TBC1D22A: variants seen among roughly 807,000 people sequenced by gnomAD.
The protein encoded by TBC1D22A is putative GTPase activator.
A neutral mutation model predicts 60.2 loss-of-function variants in TBC1D22A; 38 were observed. That is an observed-to-expected ratio of 0.63 (90% CI 0.49 to 0.83). TBC1D22A has a LOEUF of 0.83. TBC1D22A is among the 40% of genes least tolerant of loss of function. The pLI is 0.00. For missense variants in TBC1D22A, 628 were observed against 701.0 expected, an observed-to-expected ratio of 0.90 and a Z score of 1.18; for synonymous variants, 302 against 281.7, an observed-to-expected ratio of 1.07 and a Z score of -0.72.
At position 46,810,639 on chromosome 22, in the gene TBC1D22A, C is replaced by T. The variant is rs150467567; in HGVS notation, c.637+13019C>T. On this transcript the variant is annotated intron_variant, in intron 4 of 12. Coordinates refer to ENST00000337137, the MANE Select transcript of TBC1D22A (RefSeq NM_014346.5). Reference sequence around the variant, plus strand: ...AACTGTTTTGTGGTGGACAGTTCAGCGGCTTTTGGTACATTCACACTGCTG... The same window carrying T: ...AACTGTTTTGTGGTGGACAGTTCAGTGGCTTTTGGTACATTCACACTGCTG... Among the ~76,000 whole-genome samples the T allele has an allele frequency of 8.3e-4, 127 of 152,290 alleles. 5 individuals carry two copies. The East Asian group carries it at 0.02, about 24-fold the overall frequency.
chr22:46,804,321 A>G (rs565752532), intron 4 of TBC1D22A, among the ~76,000 whole-genome samples: 2 of 152,378 alleles, frequency 1.3e-5, no homozygotes, highest in East Asian at 3.9e-4. Flanking sequence ...CGGAAATGTT[A>G]TTGAAAGTTA....
intron 12 of TBC1D22A, among the ~76,000 whole-genome samples, chr22:47,158,229 A>G (rs1439340756): frequency 6.6e-6 from 1 of 152,208 alleles, no homozygotes; most frequent in Non-Finnish European, 1.5e-5. Flanking sequence ...TGCAGTTGAC[A>G]TACTAGAAAC....
intron 8 of TBC1D22A, among the ~76,000 whole-genome samples, chr22:46,933,240 A>G (rs891534089): frequency 1.3e-5 from 2 of 152,144 alleles, no homozygotes; most frequent in Non-Finnish European, 2.9e-5. Flanking sequence ...CAAATAAACA[A>G]AAGTTAATCA....
At chr22:46,894,392 A>C (rs1017488866) in intron 6 of TBC1D22A, among the ~76,000 whole-genome samples, 1 of 152,354 alleles carries the variant, frequency 6.6e-6, no homozygotes, top group Non-Finnish European at 1.5e-5. Flanking sequence ...CTGTCCAGGA[A>C]GAAGCTGTCA....
intron 4 of TBC1D22A, among the ~76,000 whole-genome samples, chr22:46,797,918 C>A (rs1022751507): frequency 1.3e-5 from 2 of 152,158 alleles, no homozygotes; most frequent in African/African-American, 4.8e-5. Context: ...TGTTGCCTGG[C>A]TGGAGTGCAG....
chr22:46,943,721 C>T lies in TBC1D22A; in HGVS notation c.1016-30569C>T, dbSNP rs541543087. ...CTCCAGCAGCCACATGACCTTTCCTCAGCCCCTGGTGACCACTGATCTGCT... is the reference window on the plus strand; with the variant it reads ...CTCCAGCAGCCACATGACCTTTCCTTAGCCCCTGGTGACCACTGATCTGCT... On this transcript the variant is annotated intron_variant, in intron 8 of 12. Coordinates refer to ENST00000337137, the MANE Select transcript of TBC1D22A (RefSeq NM_014346.5). Among the ~76,000 whole-genome samples the T allele has an allele frequency of 7.9e-5, 12 of 152,350 alleles. No homozygotes were observed. The South Asian group carries it at 1.7e-3, about 21-fold the overall frequency.
At chr22:46,852,733 C>T (rs1422039520) in intron 4 of TBC1D22A, among the ~76,000 whole-genome samples, 1 of 152,190 alleles carries the variant, frequency 6.6e-6, no homozygotes, top group Non-Finnish European at 1.5e-5. Context: ...TCTGCTCCTG[C>T]TTGAGCCTCC....
At chr22:46,962,280 A>G (rs2073549769) in intron 8 of TBC1D22A, among the ~76,000 whole-genome samples, 1 of 152,244 alleles carries the variant, frequency 6.6e-6, no homozygotes. Flanking sequence ...ACTTTACCAG[A>G]CAATAAAGAA....
intron 12 of TBC1D22A, among the ~76,000 whole-genome samples, chr22:47,171,754 G>A (rs544488287): frequency 8.5e-4 from 130 of 152,252 alleles, no homozygotes; most frequent in African/African-American, 2.9e-3. Flanking sequence ...TGGTCGTGGG[G>A]GGTCCCCCGA....
chr22:47,130,219 C>T (rs1469018000), intron 12 of TBC1D22A, among the ~76,000 whole-genome samples: 1 of 152,218 alleles, frequency 6.6e-6, no homozygotes, highest in African/African-American at 2.4e-5. Flanking sequence ...GACAGGTTAC[C>T]GGAGCGGGCG....
intron 12 of TBC1D22A, among the ~76,000 whole-genome samples, chr22:47,156,987 A>G (rs1489588418): frequency 6.6e-6 from 1 of 152,192 alleles, no homozygotes; most frequent in African/African-American, 2.4e-5. Context: ...TGCACCTGGT[A>G]CCATTCCCAT....
At chr22:46,972,708 G>A (rs2034275541) in intron 8 of TBC1D22A, among the ~76,000 whole-genome samples, 2 of 152,170 alleles carry the variant, frequency 1.3e-5, no homozygotes, top group Non-Finnish European at 2.9e-5. Context: ...TGGAACTAGC[G>A]GTGACGCTTG....
chr22:46,959,579 G>T (rs1362372034), intron 8 of TBC1D22A, among the ~76,000 whole-genome samples: 8 of 152,182 alleles, frequency 5.3e-5, no homozygotes, highest in Non-Finnish European at 1.0e-4. Context: ...AGGAGGGAAA[G>T]GTCCATTTCC....
At chr22:47,092,155 T>C (rs912181626) in intron 11 of TBC1D22A, among the ~76,000 whole-genome samples, 2 of 152,180 alleles carry the variant, frequency 1.3e-5, no homozygotes, top group African/African-American at 2.4e-5. Flanking sequence ...TGTGTACCTG[T>C]GTCTCAGCTG....
At chr22:46,911,014 A>AC (rs2147776639) in intron 7 of TBC1D22A, among the ~76,000 whole-genome samples, 1 of 152,070 alleles carries the variant, frequency 6.6e-6, no homozygotes, top group East Asian at 1.9e-4. Context: ...GGGGTACTGC[A>AC]CTGGGGGTGG....
At chr22:46,796,210 C>G (rs1326070392) in intron 3 of TBC1D22A, among the ~76,000 whole-genome samples, 1 of 152,160 alleles carries the variant, frequency 6.6e-6, no homozygotes, top group Non-Finnish European at 1.5e-5. Flanking sequence ...ACTCTGAAGT[C>G]TATGTCCCCA....
chr22:47,068,615 ACT>A (rs963609138), intron 11 of TBC1D22A, among the ~76,000 whole-genome samples: 6 of 152,114 alleles, frequency 3.9e-5, no homozygotes, highest in African/African-American at 1.4e-4. Context: ...GGGGCCAGAA[ACT>A]CTAGTGGTTG....
intron 8 of TBC1D22A, among the ~76,000 whole-genome samples, chr22:46,918,195 G>A (rs1441458514): frequency 2.0e-5 from 3 of 152,208 alleles, no homozygotes; most frequent in South Asian, 4.1e-4. Flanking sequence ...TTTCTTTGTT[G>A]CTGCCTGTGG....
At chr22:47,154,352 C>T (rs1321212119) in intron 12 of TBC1D22A, among the ~76,000 whole-genome samples, 1 of 152,204 alleles carries the variant, frequency 6.6e-6, no homozygotes, top group Non-Finnish European at 1.5e-5. Context: ...TGTGTCGTGA[C>T]GTTTGGCTTG....
Sources: gnomAD v4.1 joint callset for allele counts (sites outside exome capture counted in the v4.1 genomes callset) on GRCh38, gnomAD v4.1.1 for gene constraint, MANE v1.5 for transcripts, NCBI Gene and HGNC (gene_info 2026-07-23, HGNC 2026-07-21) for gene names.